Variants in ZNF534 observed in about 807,000 individuals in gnomAD.
ZNF534 encodes the protein zinc finger protein 534, also known as KRAB domain only 3.
In ZNF534, 19 loss-of-function variants were observed where a neutral mutation model predicts 13.6. The ratio of observed to expected loss-of-function variants is 1.40; its 90% CI spans 0.97 to 2.05. The LOEUF (loss-of-function observed/expected upper bound fraction) is 2.05, where lower values mean the gene tolerates loss of function less well. Among genes scored for constraint, ZNF534 ranks in the 30% most tolerant of loss-of-function variants. The probability of loss-of-function intolerance (pLI) is 0.00; values close to 1 mark genes in which losing one functional copy is unlikely to be tolerated. For synonymous variants in ZNF534, 244 were observed against 273.8 expected (o/e 0.89, Z 1.07); for missense variants, 782 against 796.3 (o/e 0.98, Z 0.22).
At position 52,439,720 on chromosome 19, in the gene ZNF534, G is replaced by A. The variant is rs531758287; in HGVS notation, c.*274G>A. Among the ~76,000 whole-genome samples the A allele has an allele frequency of 2.7e-5, 4 of 148,740 alleles. No individual in the cohort carries two copies. The South Asian group carries it at 8.5e-4, about 32-fold the overall frequency. ...CCTCCAGTGAGCCGAGTGAGCCACT[G>A]CACTCCAGCCTAGGTGACAGAGTGA... On this transcript the variant is annotated 3_prime_UTR_variant, in exon 5 of 5. Coordinates refer to ENST00000433050, the MANE Select transcript of ZNF534 (RefSeq NM_001143938.3).
At chr19:52,431,923 G>A (rs577093630) in intron 2 of ZNF534, among the ~76,000 whole-genome samples, 3 of 151,250 alleles carry the variant, frequency 2.0e-5, no homozygotes, top group Non-Finnish European at 4.4e-5. Context: ...TTGTGATCTC[G>A]GCCATATAAA....
Position 52,438,382 on chromosome 19 carries a change from A to G in ZNF534, c.922A>G (p.Ser308Gly). Residue 308 changes from serine (S) to glycine (G), a missense_variant, in exon 5 of 5, where the codon AGT becomes GGT. Transcript: ENST00000433050. ...ATGTAGTGAATGTGGCAAAGCATTTAGTGTGTGTTCCAGTCTTACTGCTCA... is the reference window on the plus strand; with the variant it reads ...ATGTAGTGAATGTGGCAAAGCATTTGGTGTGTGTTCCAGTCTTACTGCTCA... ...YKCSECGKAFSVCSSLTAHLV... is the reference protein window; with the variant it reads ...YKCSECGKAFGVCSSLTAHLV... The G allele has an allele frequency of 2.5e-6, 4 of 1,613,620 alleles. No individual in the cohort carries two copies. The highest frequency in any genetic ancestry group is 3.4e-6 in the Non-Finnish European group (4 of 1,179,624).
At position 52,438,656 on chromosome 19, in the gene ZNF534, G is replaced by A. The variant is rs540132566; in HGVS notation, c.1196G>A (p.Arg399Gln). Residue 399 changes from arginine to glutamine, a missense_variant, in exon 5 of 5, where the codon CGA becomes CAA. By Grantham distance (43) the Arg-to-Gln change is conservative. This residue lies in a region of ZNF534 where 591 missense variants were observed against 574.0 expected (regional missense o/e 1.03). Coordinates refer to ENST00000433050, the MANE Select transcript of ZNF534 (RefSeq NM_001143938.3). ...TTTATTGGCAATTCACGCCTTGCAC[G>A]ACATAGGAAAATTCATACTGGGGGG... is the stretch of plus-strand genomic sequence containing the variant. Reference protein sequence around the residue: ...KVFIGNSRLARHRKIHTGGRR... With the variant: ...KVFIGNSRLAQHRKIHTGGRR... 7.6e-6 allele frequency: 12 copies of A among 1,582,220 alleles called. No individual in the cohort carries two copies. Among genetic ancestry groups the A allele is most frequent in the African/African-American group, 2.7e-5 (2 of 73,804 alleles).
downstream of ZNF534, among the ~76,000 whole-genome samples, chr19:52,446,512 T>C (rs771823349): frequency 8.6e-5 from 13 of 151,662 alleles, no homozygotes; most frequent in Admixed American, 7.3e-4. Flanking sequence ...ATTTTATTGG[T>C]TCCCTATTGC....
chr19:52,445,258 G>A (rs538917202), downstream of ZNF534, among the ~76,000 whole-genome samples: 66 of 151,448 alleles, frequency 4.4e-4, no homozygotes, highest in African/African-American at 1.6e-3. Flanking sequence ...GTGCAGTGGT[G>A]CAGTCTCCGA....
At position 52,441,607 on chromosome 19, in the gene ZNF534, G is replaced by T. The variant is rs1005823831; in HGVS notation, c.*2161G>T. 6.6e-6 allele frequency among the ~76,000 whole-genome samples: 1 copy of T among 152,208 alleles called. No individual in the cohort carries two copies. The highest frequency in any genetic ancestry group is 1.5e-5 in the Non-Finnish European group (1 of 68,042). The stretch of plus-strand genomic sequence containing the variant: ...CATACTGCAGAGAAGCCTTACAAAT[G>T]CAGCGAATGTGACAAAGCATTTAGA... On this transcript the variant is annotated 3_prime_UTR_variant, in exon 5 of 5. Coordinates refer to ENST00000433050, the MANE Select transcript of ZNF534 (RefSeq NM_001143938.3).
chr19:52,437,909 TAA>T lies in ZNF534; in HGVS notation c.450_451del (p.Ile150MetfsTer11). 2 of 1,613,100 alleles carry T rather than the reference TAA, an allele frequency of 1.2e-6. No individual in the cohort carries two copies. Among genetic ancestry groups the T allele is most frequent in the African/African-American group, 1.3e-5 (1 of 75,018 alleles). On this transcript the variant is annotated frameshift_variant, in exon 5 of 5. Transcript: ENST00000433050. LOFTEE classifies it low-confidence loss of function (END_TRUNC). Reference sequence around the variant, plus strand: ...AATTCTTCAGTTTCACCAGTTCAAATAAGTTTTTTCAGTGTCAAAACCCATAT... The same window carrying T: ...AATTCTTCAGTTTCACCAGTTCAAATGTTTTTTCAGTGTCAAAACCCATAT...
rs1220145804 is a variant in ZNF534, at chr19:52,438,638, G to A, written c.1178G>A (p.Gly393Asp). Reference sequence around the variant, plus strand: ...AATGAGTGTGGCAAGGTCTTTATTGGCAATTCACGCCTTGCACGACATAGG... The same window carrying A: ...AATGAGTGTGGCAAGGTCTTTATTGACAATTCACGCCTTGCACGACATAGG... ...KCNECGKVFIGNSRLARHRKI... is the reference protein window; with the variant it reads ...KCNECGKVFIDNSRLARHRKI... Residue 393 changes from glycine to aspartate, a missense_variant, in exon 5 of 5, where the codon GGC becomes GAC. This residue lies in a region of ZNF534 where 591 missense variants were observed against 574.0 expected (regional missense o/e 1.03). Coordinates refer to ENST00000433050, the MANE Select transcript of ZNF534 (RefSeq NM_001143938.3). The A allele has an allele frequency of 1.9e-6, 3 of 1,587,028 alleles. No homozygotes were observed. In the Admixed American group the frequency reaches 5.4e-5, roughly 29 times the overall value.
At chr19:52,442,560 CTGTG>C (rs1449336679), downstream of ZNF534, among the ~76,000 whole-genome samples, 1 of 152,194 alleles carries the variant, frequency 6.6e-6, no homozygotes, top group Non-Finnish European at 1.5e-5. Context: ...CACTATATTT[CTGTG>C]TGTGTGTCTT....
rs1002110039 is a variant in ZNF534, at chr19:52,438,206, A to G, written c.746A>G (p.Lys249Arg). ...CCTTACAAATATAATGAATGTGGCA[A>G]AGTCTTCAATCAGAATTCACACCTT... ...EKPYKYNECG[K>R]VFNQNSHLAQ... The change falls in exon 5 of 5, where the codon AAA becomes AGA. Residue 249 changes from lysine (K) to arginine (R), a missense_variant. By Grantham distance (26) the Lys-to-Arg change is conservative. This residue lies in a region of ZNF534 where 591 missense variants were observed against 574.0 expected (regional missense o/e 1.03). Coordinates refer to ENST00000433050, the MANE Select transcript of ZNF534 (RefSeq NM_001143938.3). The G allele has an allele frequency of 6.2e-7, 1 of 1,614,122 alleles. No homozygotes were observed. Among genetic ancestry groups the G allele is most frequent in the African/African-American group, 1.3e-5 (1 of 75,056 alleles).
intron 4 of ZNF534, among the ~76,000 whole-genome samples, chr19:52,448,747 T>C (rs1329481841): frequency 6.6e-6 from 1 of 152,246 alleles, no homozygotes; most frequent in Non-Finnish European, 1.5e-5. Flanking sequence ...TTTAACATTT[T>C]CAATGGTATT....
Position 52,438,694 on chromosome 19 carries a change from T to C in ZNF534, c.1234T>C (p.Cys412Arg), listed in dbSNP as rs746468806. The part of the protein sequence containing the change: ...KIHTGGRRYK[C>R]NECGKAFRTC... The stretch of plus-strand genomic sequence containing the variant: ...TCATACTGGGGGGAGGCGTTACAAA[T>C]GTAATGAATGTGGCAAAGCATTTAG... The change falls in exon 5 of 5, where the codon TGT becomes CGT. Residue 412 changes from cysteine (C) to arginine (R), a missense_variant. Cys to Arg is a radical substitution (Grantham distance 180). This residue lies in a region of ZNF534 where 591 missense variants were observed against 574.0 expected (regional missense o/e 1.03). Transcript: ENST00000433050. 174 of 1,581,960 alleles carry C rather than the reference T, an allele frequency of 1.1e-4. 1 individual carries two copies. In the East Asian group the frequency reaches 4.0e-3, roughly 37 times the overall value.
intron 4 of ZNF534, among the ~76,000 whole-genome samples, chr19:52,450,347 A>G (rs1195978614): frequency 2.0e-5 from 3 of 152,122 alleles, no homozygotes; most frequent in Admixed American, 1.3e-4. Context: ...ATTTTTGTGT[A>G]TGGTGAGAAA....
chr19:52,441,058 T>C lies in ZNF534; in HGVS notation c.*1612T>C, dbSNP rs367859233. Among the ~76,000 whole-genome samples, 1 of 152,104 alleles carries C rather than the reference T, an allele frequency of 6.6e-6. No homozygotes were observed. The highest frequency in any genetic ancestry group is 2.4e-5 in the African/African-American group (1 of 41,444). ...CTAGGACTACAAGCACATGATGCCATCATGCCTGGCTAATTTTTTGTATTT... is the reference window on the plus strand; with the variant it reads ...CTAGGACTACAAGCACATGATGCCACCATGCCTGGCTAATTTTTTGTATTT... On this transcript the variant is annotated 3_prime_UTR_variant, in exon 5 of 5. Transcript: ENST00000433050.
chr19:52,434,003 T>G lies in ZNF534; in HGVS notation c.64T>G (p.Trp22Gly). 1 of 1,613,870 alleles carries G rather than the reference T, an allele frequency of 6.2e-7. No individual in the cohort carries two copies. The highest frequency in any genetic ancestry group is 8.5e-7 in the Non-Finnish European group (1 of 1,179,968). ...GGCCATAGAATTCTCTCAGGAGGAG[T>G]GGAAATGCCTGGACCCTGGGCAGAA... is the stretch of plus-strand genomic sequence containing the variant. ...DVAIEFSQEE[W>G]KCLDPGQKAL... The change falls in exon 3 of 5, where the codon TGG becomes GGG. Residue 22 changes from tryptophan to glycine, a missense_variant. Physicochemically the swap from Trp to Gly is radical, Grantham distance 184. Transcript: ENST00000433050.
rs2059164383 is a variant in ZNF534 at position 52,440,388 on chromosome 19, C to T, written c.*942C>T. 6.6e-6 allele frequency among the ~76,000 whole-genome samples: 1 copy of T among 152,228 alleles called. No individual in the cohort carries two copies. Among genetic ancestry groups the T allele is most frequent in the African/African-American group, 2.4e-5 (1 of 41,458 alleles). On this transcript the variant is annotated 3_prime_UTR_variant, in exon 5 of 5. Transcript: ENST00000433050. ...TGACAGCATCTTCAAATAAAATGCA[C>T]ATCTGGCACAACATTGGAAAATTCA...
At chr19:52,451,287 T>C in exon 5 of ZNF534, 1 of 1,063,650 alleles carries the variant, frequency 9.4e-7, no homozygotes. Context: ...TTGTGGGAAA[T>C]GACTCCCCTC....
chr19:52,440,723 G>A lies in ZNF534; in HGVS notation c.*1277G>A, dbSNP rs977127757. On this transcript the variant is annotated 3_prime_UTR_variant, in exon 5 of 5. Coordinates refer to ENST00000433050, the MANE Select transcript of ZNF534 (RefSeq NM_001143938.3). ...TTAAACCCAGGAGATGGAGGTTGCA[G>A]TGAGCCAAGAATGCGCTACTACACT... Among the ~76,000 whole-genome samples the A allele has an allele frequency of 5.3e-5, 8 of 151,016 alleles. No individual in the cohort carries two copies. The highest frequency in any genetic ancestry group is 1.0e-4 in the Non-Finnish European group (7 of 67,944).
chr19:52,443,828 T>C (rs892634620), downstream of ZNF534, among the ~76,000 whole-genome samples: 12 of 152,164 alleles, frequency 7.9e-5, no homozygotes, highest in Non-Finnish European at 1.5e-4. Context: ...TTGCTGAGAC[T>C]TTCCAGAGCA....
Sources: allele counts gnomAD v4.1 joint callset (sites outside exome capture counted in the v4.1 genomes callset), GRCh38; gene constraint gnomAD v4.1.1; regional missense constraint gnomAD v4.1.1; transcripts MANE v1.5; gene names NCBI Gene and HGNC (gene_info 2026-07-23, HGNC 2026-07-21).